Variants in CLIP4 observed in about 807,000 individuals in gnomAD.
CLIP4 encodes CAP-Gly domain containing linker protein family member 4.
CLIP4 carries 47 observed loss-of-function variants against 73.1 expected under a neutral mutation model. The ratio of observed to expected loss-of-function variants is 0.64; its 90% CI spans 0.51 to 0.82. The LOEUF (loss-of-function observed/expected upper bound fraction) is 0.82. CLIP4 is among the 40% of genes least tolerant of loss of function. The pLI is 0.00. For missense variants in CLIP4, 874 were observed against 852.9 expected (o/e 1.02, Z -0.31); for synonymous variants, 306 against 295.4 (o/e 1.04, Z -0.37).
In CLIP4 at chr2:29,157,143, A is replaced by G. The variant is rs116547479; in HGVS notation, c.1256-61A>G. 1,739 of 1,450,158 alleles carry G rather than the reference A, an allele frequency of 1.2e-3. 23 individuals are homozygous for G. The African/African-American group carries it at 0.021, about 18-fold the overall frequency. 89.8% of individuals were successfully genotyped at this position (1,450,158 alleles called of 1,614,324 possible). A position where few individuals can be genotyped will look rare whatever the true frequency, so the allele number is the denominator to read the frequency against. On this transcript the variant is annotated intron_variant, in intron 10 of 15. Coordinates refer to ENST00000320081, the MANE Select transcript of CLIP4 (RefSeq NM_024692.6). Reference sequence around the variant, plus strand: ...GAATTTCAGAAAGATTTGCCTTGACAAGCTGCTTCTTGGTCCACATCTTAT... The same window carrying G: ...GAATTTCAGAAAGATTTGCCTTGACGAGCTGCTTCTTGGTCCACATCTTAT...
At chr2:29,152,897 T>G in intron 9 of CLIP4, 69 bp downstream of exon 9, 2 of 1,532,468 alleles carry the variant, frequency 1.3e-6, no homozygotes, top group Non-Finnish European at 1.8e-6. Context: ...TCCTAATATT[T>G]AGATTGCTTC....
At chr2:29,145,542 G>T (rs932577997) in intron 8 of CLIP4, among the ~76,000 whole-genome samples, 175 bp downstream of exon 8, 3 of 152,130 alleles carry the variant, frequency 2.0e-5, no homozygotes, top group Admixed American at 1.3e-4. Context: ...TTACACTGAC[G>T]AGAGGCGACG....
At chr2:29,171,669 C>T (rs1301196327) in intron 14 of CLIP4, among the ~76,000 whole-genome samples, 1 of 152,070 alleles carries the variant, frequency 6.6e-6, no homozygotes, top group African/African-American at 2.4e-5. Context: ...CAGGCACCCA[C>T]CACCACGCCC....
At chr2:29,160,690 C>T (rs1265466832) in intron 12 of CLIP4, among the ~76,000 whole-genome samples, 5 of 152,064 alleles carry the variant, frequency 3.3e-5, no homozygotes, top group Non-Finnish European at 7.4e-5. Flanking sequence ...TTTAAATGGT[C>T]GGTGTTAAAA....
chr2:29,150,716 C>G (rs1249539028), intron 8 of CLIP4, among the ~76,000 whole-genome samples: 2 of 140,074 alleles, frequency 1.4e-5, no homozygotes. Flanking sequence ...AGTGGCCTCC[C>G]AGGTTCAAGC....
chr2:29,131,527 C>T, intron 3 of CLIP4, 130 bp downstream of exon 3: 7 of 993,908 alleles, frequency 7.0e-6, no homozygotes, highest in Non-Finnish European at 1.0e-5. Flanking sequence ...ATTTGTATTT[C>T]CAGGATTTTC....
upstream of CLIP4, among the ~76,000 whole-genome samples, chr2:29,112,219 T>C (rs192897384): frequency 3.5e-3 from 535 of 152,316 alleles, 2 homozygotes; most frequent in African/African-American, 0.012. Context: ...TTTTTATAAT[T>C]GACTTAACTG....
chr2:29,156,386 G>C lies in CLIP4; in HGVS notation c.1198G>C (p.Glu400Gln). ...GACATCAAAAAAAGATAGTGCTTCTGAGTCAACACTTTCATTGCCTCCTGG... is the reference window on the plus strand; with the variant it reads ...GACATCAAAAAAAGATAGTGCTTCTCAGTCAACACTTTCATTGCCTCCTGG... Reference protein sequence around the residue: ...LMTSKKDSASESTLSLPPGEE... With the variant: ...LMTSKKDSASQSTLSLPPGEE... Residue 400 changes from glutamate to glutamine, a missense_variant, in exon 10 of 16, where the codon GAG (glutamate) becomes CAG (glutamine). Transcript: ENST00000320081. 1.3e-6 allele frequency: 2 copies of C among 1,588,344 alleles called. 1 individual carries two copies. Among genetic ancestry groups the C allele is most frequent in the South Asian group, 2.3e-5 (2 of 85,540 alleles).
intron 1 of CLIP4, among the ~76,000 whole-genome samples, chr2:29,104,567 G>A (rs1342971787): frequency 6.6e-6 from 1 of 152,056 alleles, no homozygotes. Context: ...GATTACAGGC[G>A]TGAGCCACCA....
Position 29,130,501 on chromosome 2 carries a change from T to C in CLIP4, c.134-757T>C. 5 of 343,238 alleles carry C rather than the reference T, an allele frequency of 1.5e-5. No homozygotes were observed. The South Asian group carries it at 2.3e-4, about 16-fold the overall frequency. 21.3% of individuals were successfully genotyped at this position (343,238 alleles called of 1,614,324 possible). A position where few individuals can be genotyped will look rare whatever the true frequency, so the allele number is the denominator to read the frequency against. On this transcript the variant is annotated intron_variant, in intron 2 of 15. Coordinates refer to ENST00000320081, the MANE Select transcript of CLIP4 (RefSeq NM_024692.6). ...CTGACCAAGAAATGAAGTTCAAGCTTCATGTGCAGTTTAAGTAGGTGTTTT... is the reference window on the plus strand; with the variant it reads ...CTGACCAAGAAATGAAGTTCAAGCTCCATGTGCAGTTTAAGTAGGTGTTTT...
intron 15 of CLIP4, among the ~76,000 whole-genome samples, chr2:29,177,019 T>C (rs1668383479): frequency 6.6e-6 from 1 of 152,222 alleles, no homozygotes; most frequent in African/African-American, 2.4e-5. Context: ...ACCTACACGA[T>C]TGGCTCTTGT....
intron 9 of CLIP4, among the ~76,000 whole-genome samples, chr2:29,155,423 CACAA>C (rs1452113776): frequency 1.3e-5 from 2 of 150,030 alleles, no homozygotes; most frequent in East Asian, 1.9e-4. Context: ...CACACACACA[CACAA>C]GAGTACAAGC....
chr2:29,113,375 T>C (rs1668430307), upstream of CLIP4, among the ~76,000 whole-genome samples: 1 of 152,212 alleles, frequency 6.6e-6, no homozygotes, highest in Non-Finnish European at 1.5e-5. The surrounding 1 kb of genome is among the most constrained non-coding windows in gnomAD (Gnocchi z 4.0). Context: ...CCCCAATGAA[T>C]AGTTCAAGTT....
intron 15 of CLIP4, among the ~76,000 whole-genome samples, chr2:29,176,369 A>G (rs778287097): frequency 6.6e-6 from 1 of 152,170 alleles, no homozygotes; most frequent in Non-Finnish European, 1.5e-5. Flanking sequence ...GCTTGTTCGT[A>G]TGGAAATAAA....
At chr2:29,110,220 G>A (rs532261438) in intron 1 of CLIP4, among the ~76,000 whole-genome samples, 2 of 152,186 alleles carry the variant, frequency 1.3e-5, no homozygotes, top group Non-Finnish European at 1.5e-5. Context: ...AATAAGTCTC[G>A]TGCGGCTCAA....
At chr2:29,109,334 C>T (rs74724464) in intron 1 of CLIP4, among the ~76,000 whole-genome samples, 3,557 of 152,108 alleles carry the variant, frequency 0.023, 116 homozygotes, top group East Asian at 0.091. Context: ...CCTTTTGTTC[C>T]GTCTTCCTTT....
intron 2 of CLIP4, among the ~76,000 whole-genome samples, chr2:29,125,582 C>T (rs190911906): frequency 6.6e-6 from 1 of 152,278 alleles, no homozygotes; most frequent in East Asian, 1.9e-4. Flanking sequence ...CTCCTCAACT[C>T]AGCGAGTTTG....
intron 6 of CLIP4, among the ~76,000 whole-genome samples, chr2:29,136,237 A>G (rs984526358): frequency 2.6e-5 from 4 of 151,806 alleles, no homozygotes; most frequent in African/African-American, 4.8e-5. Context: ...TATATTAATA[A>G]CAATAACTCG....
intron 14 of CLIP4, among the ~76,000 whole-genome samples, chr2:29,173,143 C>T (rs533188218): frequency 6.6e-6 from 1 of 152,174 alleles, no homozygotes. Context: ...TTGATGCTTC[C>T]AGAGAAGATT....
Sources: allele counts gnomAD v4.1 joint callset (sites outside exome capture counted in the v4.1 genomes callset), GRCh38; gene constraint gnomAD v4.1.1; non-coding constraint Gnocchi (gnomAD v3.1); transcripts MANE v1.5; gene names NCBI Gene and HGNC (gene_info 2026-07-23, HGNC 2026-07-21).